Variants in TMEFF2 observed in about 807,000 individuals in gnomAD.
TMEFF2 encodes tomoregulin-2.
In TMEFF2, 28 loss-of-function variants were observed where a neutral mutation model predicts 53.8. The ratio of observed to expected loss-of-function variants is 0.52; its 90% CI spans 0.39 to 0.71. The LOEUF (loss-of-function observed/expected upper bound fraction) is 0.71. Ranked by LOEUF, TMEFF2 falls within the 30% of genes least tolerant of loss-of-function variation. The pLI is 0.00. For synonymous variants in TMEFF2, 162 were observed against 166.3 expected (o/e 0.97, Z 0.20); for missense variants, 353 against 455.2 (o/e 0.78, Z 2.04).
Position 192,086,886 on chromosome 2 carries a change from G to T in TMEFF2, c.440-29111C>A, listed in dbSNP as rs112779272. Reference sequence around the variant, plus strand: ...AAGCCAATTTTCCCTTTTGACTTATGTATAATAAAAGTTAGGCATCATTTG... The same window carrying T: ...AAGCCAATTTTCCCTTTTGACTTATTTATAATAAAAGTTAGGCATCATTTG... On this transcript the variant is annotated intron_variant, in intron 4 of 9. Transcript: ENST00000272771. 4.2e-3 allele frequency among the ~76,000 whole-genome samples: 638 copies of T among 151,968 alleles called. 3 individuals carry two copies. Among genetic ancestry groups the T allele is most frequent in the African/African-American group, 0.015 (603 of 41,462 alleles).
chr2:192,097,766 T>C (rs913319862), intron 4 of TMEFF2, among the ~76,000 whole-genome samples: 7 of 152,192 alleles, frequency 4.6e-5, no homozygotes, highest in Admixed American at 6.6e-5. Flanking sequence ...TATACAGATA[T>C]ATCACTGAAG....
chr2:192,138,033 G>C (rs1243333987), intron 4 of TMEFF2, among the ~76,000 whole-genome samples: 2 of 152,088 alleles, frequency 1.3e-5, no homozygotes, highest in East Asian at 3.9e-4. Flanking sequence ...TGGCCAGGCT[G>C]GTCTCAAACT....
At chr2:192,079,309 T>C (rs577569047) in intron 4 of TMEFF2, among the ~76,000 whole-genome samples, 2 of 152,324 alleles carry the variant, frequency 1.3e-5, no homozygotes, top group East Asian at 3.9e-4. Flanking sequence ...TCTTGCCTCC[T>C]TTCCTCTTTC....
intron 4 of TMEFF2, among the ~76,000 whole-genome samples, chr2:192,080,711 A>C (rs1351276634): frequency 6.6e-6 from 1 of 152,158 alleles, no homozygotes; most frequent in Non-Finnish European, 1.5e-5. Flanking sequence ...TACAATAAAG[A>C]CTTGAACTAT....
intron 5 of TMEFF2, among the ~76,000 whole-genome samples, chr2:192,051,234 T>C (rs1158948942): frequency 1.3e-5 from 2 of 151,080 alleles, no homozygotes; most frequent in African/African-American, 4.9e-5. Flanking sequence ...TTCTGGGTTT[T>C]TTTTTTTCAT....
At chr2:192,182,870 T>G (rs994738686) in intron 3 of TMEFF2, among the ~76,000 whole-genome samples, 4 of 152,056 alleles carry the variant, frequency 2.6e-5, no homozygotes, top group Non-Finnish European at 5.9e-5. Flanking sequence ...TATGGCTGAC[T>G]GATTCCTCAT....
intron 4 of TMEFF2, among the ~76,000 whole-genome samples, chr2:192,117,632 A>G (rs1689444809): frequency 1.3e-5 from 2 of 152,114 alleles, no homozygotes; most frequent in Non-Finnish European, 2.9e-5. Context: ...CCCAAGTAAC[A>G]AAAGGACCAT....
At chr2:192,028,820 C>T (rs1490153834) in intron 5 of TMEFF2, 1 of 152,026 alleles carries the variant, frequency 6.6e-6, no homozygotes, top group East Asian at 1.9e-4. Context: ...CTTATATTTG[C>T]ATCTAAACCT....
chr2:191,964,392 T>TTC (rs1337282011), intron 7 of TMEFF2, among the ~76,000 whole-genome samples: 2,747 of 41,926 alleles, frequency 0.066, 32 homozygotes, highest in Non-Finnish European at 0.084. Context: ...CTTTCTTTCT[T>TTC]TCTTTCTCTT....
chr2:191,989,458 A>G (rs1158655719), intron 7 of TMEFF2, among the ~76,000 whole-genome samples: 1 of 152,162 alleles, frequency 6.6e-6, no homozygotes, highest in Non-Finnish European at 1.5e-5. Flanking sequence ...TTTTAGCTCG[A>G]TGCCTTGATG....
chr2:192,055,195 T>C (rs1057287865), intron 5 of TMEFF2, among the ~76,000 whole-genome samples: 7 of 152,206 alleles, frequency 4.6e-5, no homozygotes, highest in Admixed American at 6.5e-5. Context: ...CCTATTTGTG[T>C]GTCTTGATCT....
chr2:191,995,059 A>G (rs1686191087), intron 7 of TMEFF2, among the ~76,000 whole-genome samples: 1 of 151,992 alleles, frequency 6.6e-6, no homozygotes, highest in South Asian at 2.1e-4. Context: ...CACATCTCTG[A>G]GCAAGTATGC....
intron 4 of TMEFF2, among the ~76,000 whole-genome samples, chr2:192,087,717 T>C (rs1372476303): frequency 6.6e-6 from 1 of 152,120 alleles, no homozygotes; most frequent in Admixed American, 6.6e-5. Flanking sequence ...TAATGTACAG[T>C]GGGTGTGACA....
At chr2:191,962,602 A>C (rs1692305905) in intron 7 of TMEFF2, among the ~76,000 whole-genome samples, 1 of 152,228 alleles carries the variant, frequency 6.6e-6, no homozygotes, top group African/African-American at 2.4e-5. Context: ...TAATATATTT[A>C]CATAGATAAA....
intron 7 of TMEFF2, among the ~76,000 whole-genome samples, chr2:191,972,900 T>G (rs1222506923): frequency 6.6e-6 from 1 of 152,158 alleles, no homozygotes; most frequent in Non-Finnish European, 1.5e-5. Flanking sequence ...ACAGTAGAAT[T>G]GATGTTAACT....
intron 7 of TMEFF2, among the ~76,000 whole-genome samples, chr2:191,985,587 C>A (rs1685956689): frequency 6.6e-6 from 1 of 152,174 alleles, no homozygotes. Context: ...TATTAACCAA[C>A]TCCTCCTTCT....
At chr2:192,039,993 T>A (rs1359333827) in intron 5 of TMEFF2, among the ~76,000 whole-genome samples, 1 of 152,106 alleles carries the variant, frequency 6.6e-6, no homozygotes, top group Non-Finnish European at 1.5e-5. Context: ...TTTTACAAGT[T>A]TATCAGTAAT....
chr2:192,164,203 C>G (rs1376338841), intron 4 of TMEFF2, among the ~76,000 whole-genome samples: 1 of 152,192 alleles, frequency 6.6e-6, no homozygotes, highest in Admixed American at 6.5e-5. Context: ...CTCTCCTCTT[C>G]TACCACTTTC....
chr2:192,018,767 A>T (rs1686796671), intron 5 of TMEFF2, among the ~76,000 whole-genome samples: 1 of 152,206 alleles, frequency 6.6e-6, no homozygotes, highest in Non-Finnish European at 1.5e-5. Context: ...AATCTCATGT[A>T]TTAACTGGCA....
Sources: allele counts gnomAD v4.1 joint callset (sites outside exome capture counted in the v4.1 genomes callset), GRCh38; gene constraint gnomAD v4.1.1; transcripts MANE v1.5; gene names NCBI Gene and HGNC (gene_info 2026-07-23, HGNC 2026-07-21).